SCTR: variants seen among roughly 807,000 people sequenced by gnomAD.
SCTR encodes pancreatic secretin receptor.
Under a neutral mutation model 60.8 loss-of-function variants are expected in SCTR, and 56 were observed. The ratio of observed to expected loss-of-function variants is 0.92; its 90% CI spans 0.74 to 1.15. The LOEUF (loss-of-function observed/expected upper bound fraction) is 1.15. Ranked by LOEUF, SCTR falls within the 50% of genes most tolerant of loss-of-function variation. The pLI is 0.00. For synonymous variants in SCTR, 202 were observed against 217.0 expected, an observed-to-expected ratio of 0.93 and a Z score of 0.61; for missense variants, 562 against 550.4, an observed-to-expected ratio of 1.02 and a Z score of -0.21.
chr2:119,493,798 C>T (rs928726830), intron 2 of SCTR, among the ~76,000 whole-genome samples: 5 of 152,192 alleles, frequency 3.3e-5, no homozygotes, highest in Admixed American at 3.3e-4. Flanking sequence ...TGCGCCACCA[C>T]GCCCGGCTAA....
intron 11 of SCTR, among the ~76,000 whole-genome samples, chr2:119,442,777 G>A (rs537446457): frequency 6.6e-6 from 1 of 152,172 alleles, no homozygotes; most frequent in East Asian, 1.9e-4. Flanking sequence ...CAGTAGCTGG[G>A]GGCATCAGCA....
At chr2:119,443,009 C>T (rs1216739752) in intron 11 of SCTR, among the ~76,000 whole-genome samples, 1 of 152,134 alleles carries the variant, frequency 6.6e-6, no homozygotes, top group African/African-American at 2.4e-5. Flanking sequence ...AGCGAGGGAA[C>T]TGAGGCACGG....
In SCTR at chr2:119,464,247, T is replaced by A. The variant is rs937543222; in HGVS notation, c.512A>T (p.His171Leu). ...LGILCAFRRL[H>L]CTRNYIHMHL... ...CATGTGGATGTAGTTGCGAGTGCAG[T>A]GGAGCCTCCTGCAGGGAGAGAATGT... The change falls in exon 6 of 13, where the codon CAC becomes CTC. Residue 171 changes from histidine to leucine, a missense_variant. Physicochemically the swap from His to Leu is moderately conservative, Grantham distance 99. Transcript: ENST00000019103. 22 of 1,614,040 alleles carry A rather than the reference T, an allele frequency of 1.4e-5. No homozygotes were observed. The highest frequency in any genetic ancestry group is 1.9e-5 in the Non-Finnish European group (22 of 1,179,968).
intron 3 of SCTR, 95 bp downstream of exon 3, chr2:119,478,716 G>C: frequency 9.2e-7 from 1 of 1,090,230 alleles, no homozygotes; most frequent in Non-Finnish European, 1.4e-6. Flanking sequence ...CTTGTCCTCA[G>C]AGAAGGTTCC....
intron 2 of SCTR, among the ~76,000 whole-genome samples, chr2:119,490,519 C>T (rs867417906): frequency 1.3e-5 from 2 of 152,224 alleles, no homozygotes; most frequent in Admixed American, 6.5e-5. Context: ...CACCTCTACA[C>T]GTCTAAAACT....
At chr2:119,521,945 G>A (rs1177535568) in intron 1 of SCTR, among the ~76,000 whole-genome samples, 3 of 152,136 alleles carry the variant, frequency 2.0e-5, no homozygotes, top group Admixed American at 1.3e-4. Flanking sequence ...CAAGGACCAC[G>A]ACTTATACAC....
intron 2 of SCTR, among the ~76,000 whole-genome samples, chr2:119,491,891 CCTTCT>C (rs1236343013): frequency 6.6e-6 from 1 of 152,186 alleles, no homozygotes; most frequent in African/African-American, 2.4e-5. Flanking sequence ...CCACTGCCAT[CCTTCT>C]CTTCTTTCTT....
Position 119,440,059 on chromosome 2 carries a change from C to T in SCTR, c.*58G>A, listed in dbSNP as rs1682596023. The T allele has an allele frequency of 1.3e-6, 2 of 1,548,326 alleles. No homozygotes were observed. Among genetic ancestry groups the T allele is most frequent in the South Asian group, 1.2e-5 (1 of 83,868 alleles). On this transcript the variant is annotated 3_prime_UTR_variant, in exon 13 of 13. Coordinates refer to ENST00000019103, the MANE Select transcript of SCTR (RefSeq NM_002980.3). ...GAAGACTGGCTGTCCCACAGCAGTGCCCAGCCTTCGCAGGACCTCTCTTGG... is the reference window on the plus strand; with the variant it reads ...GAAGACTGGCTGTCCCACAGCAGTGTCCAGCCTTCGCAGGACCTCTCTTGG...
rs1273778723 is a variant in SCTR at position 119,448,672 on chromosome 2, C to T, written c.1013+17G>A. 7.7e-6 allele frequency: 11 copies of T among 1,421,884 alleles called. No individual in the cohort carries two copies. The highest frequency in any genetic ancestry group is 1.1e-5 in the Non-Finnish European group (11 of 1,005,056). 88.1% of individuals were successfully genotyped at this position (1,421,884 alleles called of 1,614,324 possible). ...GCTTGCTGACTGACCATGCCTCAGT[C>T]TTTGCCCTTCACTTACTTATAATGG... On this transcript the variant is annotated intron_variant, in intron 10 of 12. Coordinates refer to ENST00000019103, the MANE Select transcript of SCTR (RefSeq NM_002980.3).
intron 1 of SCTR, among the ~76,000 whole-genome samples, chr2:119,502,669 T>C (rs1386860818): frequency 1.3e-5 from 2 of 151,886 alleles, no homozygotes; most frequent in Non-Finnish European, 2.9e-5. Context: ...AATACAGACA[T>C]ACAATTGATG....
chr2:119,503,690 A>G (rs1370008994), intron 1 of SCTR, among the ~76,000 whole-genome samples: 2 of 152,200 alleles, frequency 1.3e-5, no homozygotes, highest in Non-Finnish European at 2.9e-5. Context: ...CTTTTAGGGC[A>G]GTGAATCGAT....
At chr2:119,490,797 T>A (rs936689458) in intron 2 of SCTR, among the ~76,000 whole-genome samples, 11 of 152,204 alleles carry the variant, frequency 7.2e-5, no homozygotes, top group African/African-American at 2.7e-4. Flanking sequence ...TTTCACCCAC[T>A]GGCCCAGTAT....
At chr2:119,514,460 A>G (rs2104947416) in intron 1 of SCTR, among the ~76,000 whole-genome samples, 1 of 152,376 alleles carries the variant, frequency 6.6e-6, no homozygotes, top group East Asian at 1.9e-4. Flanking sequence ...AGAATAACAA[A>G]GAAGACACAA....
At chr2:119,473,809 G>A (rs905360378) in intron 3 of SCTR, among the ~76,000 whole-genome samples, 2 of 152,082 alleles carry the variant, frequency 1.3e-5, no homozygotes, top group Non-Finnish European at 2.9e-5. Context: ...CACCCCAGCC[G>A]GGTGCTGCTC....
chr2:119,461,593 C>G (rs906680186), intron 7 of SCTR, among the ~76,000 whole-genome samples: 1 of 151,998 alleles, frequency 6.6e-6, no homozygotes, highest in Non-Finnish European at 1.5e-5. Flanking sequence ...TGCCTGTAAT[C>G]CCAGCTACTT....
chr2:119,508,619 G>A (rs1357998309), intron 1 of SCTR, among the ~76,000 whole-genome samples: 1 of 151,732 alleles, frequency 6.6e-6, no homozygotes, highest in Non-Finnish European at 1.5e-5. Flanking sequence ...AACTTATGAG[G>A]CTCAAGTGAC....
chr2:119,488,904 C>T (rs780892504), intron 2 of SCTR, among the ~76,000 whole-genome samples: 62 of 152,164 alleles, frequency 4.1e-4, no homozygotes, highest in African/African-American at 8.2e-4. Flanking sequence ...AGAGTGGCAC[C>T]GACTCCGGCT....
At chr2:119,514,893 CT>C (rs745783203) in intron 1 of SCTR, among the ~76,000 whole-genome samples, 1 of 152,026 alleles carries the variant, frequency 6.6e-6, no homozygotes, top group East Asian at 1.9e-4. Flanking sequence ...AAAAAAAAAT[CT>C]GAATAAGGTA....
chr2:119,473,273 A>C (rs1198451284), intron 4 of SCTR, among the ~76,000 whole-genome samples, 180 bp downstream of exon 4: 10 of 152,154 alleles, frequency 6.6e-5, no homozygotes, highest in Admixed American at 6.5e-4. Context: ...CAGGGCAGTG[A>C]GGCAGACCCA....
Sources: allele counts gnomAD v4.1 joint callset (sites outside exome capture counted in the v4.1 genomes callset), GRCh38; gene constraint gnomAD v4.1.1; transcripts MANE v1.5; gene names NCBI Gene and HGNC (gene_info 2026-07-23, HGNC 2026-07-21).